CCDC178: variants seen among roughly 807,000 people sequenced by gnomAD.
CCDC178 encodes coiled-coil domain-containing protein 178.
Under a neutral mutation model 117.4 loss-of-function variants are expected in CCDC178, and 126 were observed. The observed-to-expected ratio is 1.07, with a 90% CI of 0.93 to 1.24. CCDC178 has a LOEUF of 1.24. Among genes scored for constraint, CCDC178 ranks in the 50% most tolerant of loss-of-function variants. The probability of loss-of-function intolerance (pLI) is 0.00; values close to 1 mark genes in which losing one functional copy is unlikely to be tolerated. For synonymous variants in CCDC178, 283 were observed against 313.4 expected (o/e 0.90, Z 1.02); for missense variants, 1,030 against 986.9 (o/e 1.04, Z -0.59).
intron 21 of CCDC178, among the ~76,000 whole-genome samples, chr18:32,977,101 G>T (rs888229146): frequency 2.6e-5 from 4 of 152,072 alleles, no homozygotes; most frequent in African/African-American, 7.2e-5. Context: ...ACAGTTCATA[G>T]GTTGATTGTA....
chr18:33,344,138 A>G (rs930740624), intron 9 of CCDC178, among the ~76,000 whole-genome samples: 5 of 150,224 alleles, frequency 3.3e-5, no homozygotes, highest in African/African-American at 9.8e-5. Context: ...CCCCGTCTCT[A>G]CTAAAAATAC....
chr18:33,091,222 C>G (rs184727896), intron 21 of CCDC178, among the ~76,000 whole-genome samples: 15 of 149,228 alleles, frequency 1.0e-4, no homozygotes, highest in African/African-American at 2.9e-4. Flanking sequence ...TTCATAGATA[C>G]ATACATGCCC....
rs76579583 is a variant in CCDC178 at position 33,225,936 on chromosome 18, C to T, written c.1656+857G>A. Among the ~76,000 whole-genome samples the T allele has an allele frequency of 9.3e-3, 1,420 of 151,942 alleles. 15 individuals are homozygous for T. The highest frequency in any genetic ancestry group is 0.027 in the African/African-American group (1,115 of 41,458). ...CAGCACTTTGGGAGGCTGAGGCAGGCGGATCACCTGAGGTCAGGAGTTCGA... is the reference window on the plus strand; with the variant it reads ...CAGCACTTTGGGAGGCTGAGGCAGGTGGATCACCTGAGGTCAGGAGTTCGA... On this transcript the variant is annotated intron_variant, in intron 16 of 22. Transcript: ENST00000383096.
At chr18:33,011,394 G>T (rs890329028) in intron 21 of CCDC178, among the ~76,000 whole-genome samples, 2 of 152,076 alleles carry the variant, frequency 1.3e-5, no homozygotes, top group African/African-American at 4.8e-5. Context: ...CTGAGGAAGA[G>T]ATGTTTTGCT....
intron 3 of CCDC178, among the ~76,000 whole-genome samples, chr18:33,408,048 G>T (rs2063805011): frequency 6.6e-6 from 1 of 151,568 alleles, no homozygotes; most frequent in South Asian, 2.1e-4. Flanking sequence ...TTAAAATACA[G>T]TAAAATTTAA....
chr18:32,958,893 A>T (rs1218676102), intron 22 of CCDC178, among the ~76,000 whole-genome samples: 1 of 152,142 alleles, frequency 6.6e-6, no homozygotes, highest in African/African-American at 2.4e-5. Flanking sequence ...AAGAGGCATT[A>T]AGGGTGGAAC....
At chr18:33,387,599 A>C (rs1791281366) in intron 5 of CCDC178, among the ~76,000 whole-genome samples, 1 of 152,214 alleles carries the variant, frequency 6.6e-6, no homozygotes, top group African/African-American at 2.4e-5. Flanking sequence ...CGACAAAAAG[A>C]AGCAATGGGG....
intron 22 of CCDC178, among the ~76,000 whole-genome samples, chr18:32,940,557 C>T (rs1356532594): frequency 2.0e-5 from 3 of 151,520 alleles, no homozygotes; most frequent in African/African-American, 7.3e-5. Flanking sequence ...TATAGGTAAA[C>T]TTTTTTGTTT....
intron 20 of CCDC178, among the ~76,000 whole-genome samples, chr18:33,141,179 A>G (rs1402814374): frequency 1.3e-5 from 2 of 152,178 alleles, no homozygotes; most frequent in Non-Finnish European, 2.9e-5. Flanking sequence ...CAGCATGAAA[A>G]CAGACTAATA....
intron 15 of CCDC178, among the ~76,000 whole-genome samples, chr18:33,241,702 T>A (rs1262740650): frequency 1.3e-5 from 2 of 151,502 alleles, no homozygotes. Flanking sequence ...GAAACATTGA[T>A]AAAAGAAATT....
chr18:33,204,435 T>C (rs747652705), intron 20 of CCDC178, among the ~76,000 whole-genome samples: 1 of 152,092 alleles, frequency 6.6e-6, no homozygotes, highest in Non-Finnish European at 1.5e-5. Context: ...GAAATAATAA[T>C]GACAACAATA....
chr18:33,355,873 T>C (rs1314097032), intron 7 of CCDC178, among the ~76,000 whole-genome samples: 1 of 152,148 alleles, frequency 6.6e-6, no homozygotes, highest in Non-Finnish European at 1.5e-5. Flanking sequence ...GTTCCTATTA[T>C]TCCCTCTGGC....
chr18:33,187,674 A>G (rs1346469419), intron 20 of CCDC178, among the ~76,000 whole-genome samples: 1 of 152,160 alleles, frequency 6.6e-6, no homozygotes, highest in Admixed American at 6.5e-5. Context: ...TTATGGTGAA[A>G]TAAGGCTGGA....
At chr18:33,397,337 T>C (rs1212798091) in intron 3 of CCDC178, 129 bp from the exon 4 acceptor site, 3 of 527,124 alleles carry the variant, frequency 5.7e-6, no homozygotes, top group African/African-American at 3.9e-5. Context: ...CTAAATTACA[T>C]AAGAAAGGGC....
intron 21 of CCDC178, among the ~76,000 whole-genome samples, chr18:33,087,900 C>A (rs2057405398): frequency 6.6e-6 from 1 of 152,014 alleles, no homozygotes; most frequent in African/African-American, 2.4e-5. Context: ...CACATCGATA[C>A]AAAGTGAGTA....
At chr18:33,075,984 A>G (rs1007606046) in intron 21 of CCDC178, among the ~76,000 whole-genome samples, 7 of 152,152 alleles carry the variant, frequency 4.6e-5, no homozygotes, top group African/African-American at 1.4e-4. Context: ...AAAATTATGT[A>G]GATATTTTTC....
chr18:33,163,185 T>C (rs2058488159), intron 20 of CCDC178, among the ~76,000 whole-genome samples: 1 of 152,194 alleles, frequency 6.6e-6, no homozygotes, highest in Non-Finnish European at 1.5e-5. Flanking sequence ...CAATGATCAG[T>C]GATATTGAGC....
At chr18:33,261,759 C>G (rs1309846435) in intron 14 of CCDC178, among the ~76,000 whole-genome samples, 4 of 151,914 alleles carry the variant, frequency 2.6e-5, no homozygotes, top group Non-Finnish European at 5.9e-5. Context: ...AATAAAATTA[C>G]ATTAGGAGTT....
At chr18:33,188,581 G>A (rs1271653692) in intron 20 of CCDC178, among the ~76,000 whole-genome samples, 5 of 152,074 alleles carry the variant, frequency 3.3e-5, no homozygotes, top group Non-Finnish European at 7.4e-5. Context: ...AGGTACACAG[G>A]TCAGGGCCAG....
Sources: gnomAD v4.1 joint callset for allele counts (sites outside exome capture counted in the v4.1 genomes callset) on GRCh38, gnomAD v4.1.1 for gene constraint, MANE v1.5 for transcripts, NCBI Gene and HGNC (gene_info 2026-07-23, HGNC 2026-07-21) for gene names.